PLEKHM3: variants seen among roughly 807,000 people sequenced by gnomAD.
PLEKHM3 encodes pleckstrin homology domain-containing family M member 3.
In PLEKHM3, 45 loss-of-function variants were observed where a neutral mutation model predicts 81.8. The ratio of observed to expected loss-of-function variants is 0.55; its 90% CI spans 0.43 to 0.71. PLEKHM3 has a LOEUF of 0.71. Ranked by LOEUF, PLEKHM3 falls within the 30% of genes least tolerant of loss-of-function variation. The probability of loss-of-function intolerance (pLI) is 0.00; values close to 1 mark genes in which losing one functional copy is unlikely to be tolerated. For missense variants in PLEKHM3, 788 were observed against 924.3 expected (o/e 0.85, Z 1.91); for synonymous variants, 352 against 356.4 (o/e 0.99, Z 0.14).
intron 7 of PLEKHM3, among the ~76,000 whole-genome samples, chr2:207,836,791 T>G (rs963523552): frequency 6.6e-6 from 1 of 152,210 alleles, no homozygotes; most frequent in African/African-American, 2.4e-5. Flanking sequence ...GCTGCATTTT[T>G]ATTTTTGGCT....
intron 5 of PLEKHM3, among the ~76,000 whole-genome samples, chr2:207,918,788 T>C (rs1689084143): frequency 6.6e-6 from 1 of 152,222 alleles, no homozygotes. Flanking sequence ...ACTATATGTA[T>C]AGCTCTAAGC....
chr2:207,946,534 GTC>G (rs1690137369), intron 3 of PLEKHM3, 22 bp from the exon 4 acceptor site: 1 of 1,611,410 alleles, frequency 6.2e-7, no homozygotes, highest in East Asian at 2.2e-5. Flanking sequence ...AAAAGGAAGA[GTC>G]TATGATTGCT....
intron 6 of PLEKHM3, among the ~76,000 whole-genome samples, chr2:207,892,873 T>C (rs1188205319): frequency 6.6e-6 from 1 of 152,212 alleles, no homozygotes; most frequent in Non-Finnish European, 1.5e-5. Flanking sequence ...CCTGCCTCGC[T>C]ATTCTAAGCT....
At position 207,846,678 on chromosome 2, in the gene PLEKHM3, G is replaced by A. The variant is rs192851731; in HGVS notation, c.2108+14427C>T. ...GCAGAGGTTGCAGAAAGCCAAGATG[G>A]TGCCACTGCACTCCAGCCTGGATGA... On this transcript the variant is annotated intron_variant, in intron 7 of 7. Transcript: ENST00000427836. 3.2e-3 allele frequency among the ~76,000 whole-genome samples: 490 copies of A among 151,592 alleles called. 3 individuals are homozygous for A. The highest frequency in any genetic ancestry group is 0.011 in the African/African-American group (468 of 41,312).
chr2:207,827,974 T>G lies in PLEKHM3; in HGVS notation c.*345A>C, dbSNP rs990777694. 1 of 159,806 alleles carries G rather than the reference T, an allele frequency of 6.3e-6. No individual in the cohort carries two copies. Among genetic ancestry groups the G allele is most frequent in the South Asian group, 2.0e-4 (1 of 4,894 alleles). 9.9% of individuals were successfully genotyped at this position (159,806 alleles called of 1,614,324 possible). The stretch of plus-strand genomic sequence containing the variant: ...TCCTTTTGTGTCTTGGGTAATAAAA[T>G]GTACCGAGAGACAGAGAGAAAAAAA... On this transcript the variant is annotated 3_prime_UTR_variant, in exon 8 of 8. Coordinates refer to ENST00000427836, the MANE Select transcript of PLEKHM3 (RefSeq NM_001080475.3).
intron 3 of PLEKHM3, among the ~76,000 whole-genome samples, chr2:207,954,538 A>T (rs1321548461): frequency 6.6e-6 from 1 of 152,240 alleles, no homozygotes; most frequent in Non-Finnish European, 1.5e-5. Flanking sequence ...GCCATCTATG[A>T]CGTATAATCA....
intron 1 of PLEKHM3, among the ~76,000 whole-genome samples, chr2:208,021,841 T>C (rs1278025494): frequency 5.9e-5 from 9 of 152,204 alleles, no homozygotes; most frequent in Non-Finnish European, 1.2e-4. Context: ...TAGCAATCAT[T>C]GGTAACACCT....
intron 6 of PLEKHM3, among the ~76,000 whole-genome samples, chr2:207,905,580 C>A (rs965523655): frequency 1.3e-5 from 2 of 152,326 alleles, no homozygotes; most frequent in African/African-American, 4.8e-5. Context: ...GCTGGGGATG[C>A]CCTTCAGTGC....
chr2:208,010,289 T>C (rs1250750261), intron 1 of PLEKHM3, among the ~76,000 whole-genome samples: 1 of 152,246 alleles, frequency 6.6e-6, no homozygotes, highest in South Asian at 2.1e-4. Flanking sequence ...AAATCTCAGA[T>C]TGCTTTGCGA....
chr2:207,942,044 T>C lies in PLEKHM3; in HGVS notation c.1692+4323A>G, dbSNP rs187012529. On this transcript the variant is annotated intron_variant, in intron 4 of 7. Coordinates refer to ENST00000427836, the MANE Select transcript of PLEKHM3 (RefSeq NM_001080475.3). Reference sequence around the variant, plus strand: ...TGGGAATGTAAATTAGTACAGCCACTGTGGAAAACAGTATGGGAGTTCTTC... The same window carrying C: ...TGGGAATGTAAATTAGTACAGCCACCGTGGAAAACAGTATGGGAGTTCTTC... Among the ~76,000 whole-genome samples the C allele has an allele frequency of 1.6e-3, 244 of 152,310 alleles. 1 individual carries two copies. The highest frequency in any genetic ancestry group is 0.014 in the Admixed American group (220 of 15,294).
intron 6 of PLEKHM3, chr2:207,899,920 A>T (rs1302321537): frequency 1.3e-5 from 2 of 152,170 alleles, no homozygotes; most frequent in Admixed American, 6.5e-5. Flanking sequence ...TTTAACTTAC[A>T]GTCATAGCCT....
At position 207,977,274 on chromosome 2, in the gene PLEKHM3, T is replaced by C. The variant is rs988025923; in HGVS notation, c.923A>G (p.His308Arg). ...CCCCATGTAACCGGGCACAGCAGCA[T>C]GCACTACTTCCCAAAGCTTCTGTCC... ...DWGQKLWEVV[H>R]AAVPGYMGRQ... is the part of the protein sequence containing the mutation. The change falls in exon 3 of 8, where the codon CAT (histidine) becomes CGT (arginine). Residue 308 changes from histidine (H) to arginine (R), a missense_variant. Coordinates refer to ENST00000427836, the MANE Select transcript of PLEKHM3 (RefSeq NM_001080475.3). The C allele has an allele frequency of 5.6e-6, 9 of 1,614,050 alleles. No individual in the cohort carries two copies. Among genetic ancestry groups the C allele is most frequent in the African/African-American group, 2.7e-5 (2 of 74,926 alleles).
At position 207,833,341 on chromosome 2, in the gene PLEKHM3, T is replaced by C. The variant is rs139137449; in HGVS notation, c.2109-4845A>G. On this transcript the variant is annotated intron_variant, in intron 7 of 7. Transcript: ENST00000427836. Reference sequence around the variant, plus strand: ...CATGAAATGAAAGCTGGTGTCTTCATTCTGAGTCATCCAGTCCAGTGATAA... The same window carrying C: ...CATGAAATGAAAGCTGGTGTCTTCACTCTGAGTCATCCAGTCCAGTGATAA... 4.3e-3 allele frequency among the ~76,000 whole-genome samples: 648 copies of C among 152,308 alleles called. 1 individual carries two copies. Among genetic ancestry groups the C allele is most frequent in the Admixed American group, 8.3e-3 (127 of 15,292 alleles).
chr2:207,982,520 T>A (rs1257839962), intron 2 of PLEKHM3, among the ~76,000 whole-genome samples: 1 of 151,508 alleles, frequency 6.6e-6, no homozygotes, highest in African/African-American at 2.4e-5. Flanking sequence ...CCCTCTCACC[T>A]TGGCCTGCCA....
intron 6 of PLEKHM3, among the ~76,000 whole-genome samples, chr2:207,864,375 A>T (rs2092484516): frequency 6.6e-6 from 1 of 152,196 alleles, no homozygotes. Flanking sequence ...CCACCAGTAA[A>T]CACTTTTTAA....
intron 3 of PLEKHM3, among the ~76,000 whole-genome samples, chr2:207,972,299 G>T (rs1691149629): frequency 1.3e-5 from 2 of 151,202 alleles, no homozygotes; most frequent in South Asian, 4.2e-4. Context: ...CCACTATAAG[G>T]CTGGGCACAG....
At chr2:207,947,689 T>C (rs1690180891) in intron 3 of PLEKHM3, among the ~76,000 whole-genome samples, 1 of 152,168 alleles carries the variant, frequency 6.6e-6, no homozygotes, top group African/African-American at 2.4e-5. Context: ...GGGGCAAAAA[T>C]GAATTACTCT....
intron 6 of PLEKHM3, among the ~76,000 whole-genome samples, chr2:207,906,189 TAG>T (rs1398205359): frequency 6.6e-6 from 1 of 152,182 alleles, no homozygotes; most frequent in Non-Finnish European, 1.5e-5. Context: ...TCTCAAATGA[TAG>T]AGTCTGTGTC....
intron 6 of PLEKHM3, among the ~76,000 whole-genome samples, chr2:207,873,165 T>G (rs2092543695): frequency 6.6e-6 from 1 of 152,082 alleles, no homozygotes; most frequent in Non-Finnish European, 1.5e-5. Flanking sequence ...AAATTGGGCT[T>G]GATGGTTCTG....
Sources: gnomAD v4.1 joint callset for allele counts (sites outside exome capture counted in the v4.1 genomes callset) on GRCh38, gnomAD v4.1.1 for gene constraint, MANE v1.5 for transcripts, NCBI Gene and HGNC (gene_info 2026-07-23, HGNC 2026-07-21) for gene names.